Variants in INVS observed in about 807,000 individuals in gnomAD.
INVS encodes inversin.
Under a neutral mutation model 108.8 loss-of-function variants are expected in INVS, and 86 were observed. The observed-to-expected ratio is 0.79, with a 90% confidence interval of 0.66 to 0.95. The LOEUF (loss-of-function observed/expected upper bound fraction) is 0.95. Among genes scored for constraint, INVS ranks in the 40% least tolerant of loss-of-function variants. INVS has a pLI of 0.00. For missense variants in INVS, 1,169 were observed against 1,297.4 expected (o/e 0.90, Z 1.52); for synonymous variants, 455 against 473.5 (o/e 0.96, Z 0.51).
In INVS at chr9:100,284,529, C is replaced by G. The variant is rs533008444; in HGVS notation, c.1994C>G (p.Ser665Cys). Residue 665 changes from serine (S) to cysteine (C), a missense_variant, in exon 13 of 17, where the codon TCT becomes TGT. By Grantham distance (112) the Ser-to-Cys change is moderately radical. Coordinates refer to ENST00000262457, the MANE Select transcript of INVS (RefSeq NM_014425.5). ...PRDSRGSPGG[S>C]LGGALQKEQH... ...GACAGCAGAGGATCTCCAGGAGGGT[C>G]TCTAGGCGGAGCCCTCCAGAAGGAG... is the stretch of plus-strand genomic sequence containing the variant. The G allele has an allele frequency of 8.1e-5, 130 of 1,614,018 alleles. 2 individuals are homozygous for G. In the South Asian group the frequency reaches 1.4e-3, roughly 17 times the overall value.
At chr9:100,278,501 G>C (rs947013362) in intron 12 of INVS, among the ~76,000 whole-genome samples, 3 of 152,100 alleles carry the variant, frequency 2.0e-5, no homozygotes, top group East Asian at 1.9e-4. Context: ...TCCCTGACTC[G>C]ATTGTCAGTT....
Position 100,280,686 on chromosome 9 carries a change from C to T in INVS, c.1785-3634C>T, listed in dbSNP as rs533210857. Among the ~76,000 whole-genome samples the T allele has an allele frequency of 5.9e-5, 9 of 152,142 alleles. No individual in the cohort carries two copies. In the South Asian group the frequency reaches 1.9e-3, roughly 32 times the overall value. On this transcript the variant is annotated intron_variant, in intron 12 of 16. Transcript: ENST00000262457. Reference sequence around the variant, plus strand: ...TAAAATAGATCTTTATAACATAGCACACCTTAATGATTAAAGATCTTTGAC... The same window carrying T: ...TAAAATAGATCTTTATAACATAGCATACCTTAATGATTAAAGATCTTTGAC...
intron 3 of INVS, among the ~76,000 whole-genome samples, chr9:100,164,913 T>A (rs1829312139): frequency 1.3e-5 from 2 of 150,130 alleles, no homozygotes; most frequent in African/African-American, 2.4e-5. Flanking sequence ...TTTTTTTTTT[T>A]ACAACTTTTT....
intron 11 of INVS, among the ~76,000 whole-genome samples, chr9:100,269,954 T>G (rs1335869017): frequency 6.6e-6 from 1 of 152,242 alleles, no homozygotes; most frequent in Non-Finnish European, 1.5e-5. Flanking sequence ...TGCTATCCTC[T>G]TTACACTTAT....
At chr9:100,142,142 AGTTAAGCGGC>A (rs1167544256) in intron 3 of INVS, among the ~76,000 whole-genome samples, 1 of 152,204 alleles carries the variant, frequency 6.6e-6, no homozygotes, top group East Asian at 1.9e-4. Flanking sequence ...TTCCTTTGGA[AGTTAAGCGGC>A]GTTGAGAAGC....
At chr9:100,217,341 A>G (rs186363685) in intron 3 of INVS, among the ~76,000 whole-genome samples, 63 of 152,132 alleles carry the variant, frequency 4.1e-4, no homozygotes, top group Admixed American at 6.5e-4. Flanking sequence ...AAGGAAAACT[A>G]TGTCTCTGTC....
At chr9:100,279,107 G>A (rs565585468) in intron 12 of INVS, among the ~76,000 whole-genome samples, 127 of 152,300 alleles carry the variant, frequency 8.3e-4, no homozygotes, top group Non-Finnish European at 1.6e-3. Flanking sequence ...AATAGTTGAC[G>A]TTAATTTGTC....
At chr9:100,245,101 T>C (rs564722344) in intron 7 of INVS, among the ~76,000 whole-genome samples, 9 of 152,318 alleles carry the variant, frequency 5.9e-5, no homozygotes, top group Admixed American at 2.0e-4. Context: ...TCCAGCACTT[T>C]TTGTCTGAAA....
chr9:100,154,744 T>G (rs1248458312), intron 3 of INVS, among the ~76,000 whole-genome samples: 1 of 152,106 alleles, frequency 6.6e-6, no homozygotes, highest in Non-Finnish European at 1.5e-5. Context: ...GAAAAATATT[T>G]TCTTATATTT....
At chr9:100,136,981 A>G (rs1828246166) in intron 3 of INVS, among the ~76,000 whole-genome samples, 1 of 152,174 alleles carries the variant, frequency 6.6e-6, no homozygotes, top group Non-Finnish European at 1.5e-5. Flanking sequence ...CAGTGGTTGC[A>G]GTGAGCCGTG....
At chr9:100,297,824 T>C in intron 15 of INVS, 112 bp from the exon 16 acceptor site, 3 of 1,081,706 alleles carry the variant, frequency 2.8e-6, no homozygotes, top group East Asian at 2.4e-5. Context: ...ACCTAACTTA[T>C]CTTGACACAC....
In INVS at chr9:100,301,139, T is replaced by TCTCACACACACACACA. The variant is rs200314659; in HGVS notation, c.*466_*467insTCACACACACACACAC. ...CCTGGCATCTAATGCAACAAACTTA[T>TCTCACACACACACACA]CACACACACACACACACACACACAC... On this transcript the variant is annotated 3_prime_UTR_variant, in exon 17 of 17. Coordinates refer to ENST00000262457, the MANE Select transcript of INVS (RefSeq NM_014425.5). 477 of 167,866 alleles carry TCTCACACACACACACA rather than the reference T, an allele frequency of 2.8e-3. 4 individuals carry two copies. Among genetic ancestry groups the TCTCACACACACACACA allele is most frequent in the African/African-American group, 0.015 (413 of 27,702 alleles). The allele number at this position is 167,866 out of a possible 1,614,324, so 10.4% of individuals were successfully genotyped here.
intron 5 of INVS, among the ~76,000 whole-genome samples, chr9:100,236,889 G>C (rs1158776457): frequency 4.6e-5 from 7 of 152,218 alleles, no homozygotes; most frequent in Non-Finnish European, 7.3e-5. Context: ...CAAGCACTCT[G>C]TTGGGAGATC....
intron 5 of INVS, among the ~76,000 whole-genome samples, chr9:100,235,454 T>C (rs897468055): frequency 6.6e-6 from 1 of 152,222 alleles, no homozygotes; most frequent in African/African-American, 2.4e-5. Flanking sequence ...AGTTTCTTCA[T>C]AGTATGGTTG....
intron 13 of INVS, among the ~76,000 whole-genome samples, chr9:100,284,840 T>C (rs1014336752): frequency 6.6e-5 from 10 of 152,140 alleles, no homozygotes; most frequent in Admixed American, 2.0e-4. Context: ...TGGTTTTTTG[T>C]TTTCTTTTCT....
intron 2 of INVS, among the ~76,000 whole-genome samples, chr9:100,109,086 G>A (rs1827263419): frequency 6.6e-6 from 1 of 152,226 alleles, no homozygotes; most frequent in Non-Finnish European, 1.5e-5. Flanking sequence ...ATTGAGAACA[G>A]AATTTAGTAG....
chr9:100,101,275 AC>A (rs999869193), intron 1 of INVS: 1 of 151,430 alleles, frequency 6.6e-6, no homozygotes, highest in African/African-American at 2.4e-5. Flanking sequence ...ACATGGTCTA[AC>A]CTTATTATTT....
chr9:100,124,694 T>G (rs1427413467), intron 2 of INVS, among the ~76,000 whole-genome samples: 1 of 152,226 alleles, frequency 6.6e-6, no homozygotes, highest in Non-Finnish European at 1.5e-5. Context: ...TGAGAGTTGT[T>G]TTAAAATTCT....
At chr9:100,193,220 T>C (rs1830277673) in intron 3 of INVS, among the ~76,000 whole-genome samples, 1 of 152,144 alleles carries the variant, frequency 6.6e-6, no homozygotes, top group Non-Finnish European at 1.5e-5. Flanking sequence ...CCATGAACAA[T>C]TCTCCCACCT....
Sources: gnomAD v4.1 joint callset for allele counts (sites outside exome capture counted in the v4.1 genomes callset) on GRCh38, gnomAD v4.1.1 for gene constraint, MANE v1.5 for transcripts, NCBI Gene and HGNC (gene_info 2026-07-23, HGNC 2026-07-21) for gene names.